The following EDNRB variants were observed in gnomAD, a reference collection of about 807,000 sequenced individuals.
EDNRB encodes the protein Hirschsprung disease 2.
Under a neutral mutation model 46.4 loss-of-function variants are expected in EDNRB, and 18 were observed. That is an observed-to-expected ratio of 0.39 (90% CI 0.27 to 0.57). The LOEUF (loss-of-function observed/expected upper bound fraction) is 0.57, where lower values mean the gene tolerates loss of function less well. Among genes scored for constraint, EDNRB ranks in the 20% least tolerant of loss-of-function variants. The pLI is 0.61. For synonymous variants in EDNRB, 213 were observed against 204.9 expected (o/e 1.04, Z -0.34); for missense variants, 434 against 537.5 (o/e 0.81, Z 1.90).
At chr13:77,965,130 A>C (rs1008571167) in intron 1 of EDNRB, among the ~76,000 whole-genome samples, 2 of 152,220 alleles carry the variant, frequency 1.3e-5, no homozygotes, top group Non-Finnish European at 2.9e-5. Context: ...TCACATTTAC[A>C]GAAAGGTTTG....
At chr13:77,951,141 T>A (rs1881078132) in intron 1 of EDNRB, among the ~76,000 whole-genome samples, 1 of 151,942 alleles carries the variant, frequency 6.6e-6, no homozygotes, top group South Asian at 2.1e-4. Context: ...GCAAGGGAAA[T>A]GAGAAGGATT....
At chr13:77,931,762 A>C (rs866162028) in intron 1 of EDNRB, among the ~76,000 whole-genome samples, 14 of 88,860 alleles carry the variant, frequency 1.6e-4, no homozygotes, top group East Asian at 6.3e-4. Context: ...AAAAAAAAAC[A>C]AAAAAAAAAA....
At chr13:77,903,981 T>C (rs995724139) in intron 1 of EDNRB, among the ~76,000 whole-genome samples, 7 of 151,944 alleles carry the variant, frequency 4.6e-5, no homozygotes, top group African/African-American at 1.7e-4. Flanking sequence ...TTAATTAAAA[T>C]TGAATGATAA....
At chr13:77,971,936 C>T (rs1306736628) in intron 1 of EDNRB, among the ~76,000 whole-genome samples, 1 of 152,152 alleles carries the variant, frequency 6.6e-6, no homozygotes, top group Non-Finnish European at 1.5e-5. Context: ...CACCACAATA[C>T]CACCACACAT....
chr13:77,950,547 T>C (rs1209006864), intron 1 of EDNRB, among the ~76,000 whole-genome samples: 1 of 152,256 alleles, frequency 6.6e-6, no homozygotes, highest in Non-Finnish European at 1.5e-5. Flanking sequence ...GGGGGTTGCA[T>C]TAAAGAATCA....
At chr13:77,899,220 A>G (rs536309579) in intron 6 of EDNRB, among the ~76,000 whole-genome samples, 3 of 151,944 alleles carry the variant, frequency 2.0e-5, no homozygotes, top group Non-Finnish European at 4.4e-5. Flanking sequence ...TTAGCTTTCC[A>G]GTAGTGAAAT....
intron 1 of EDNRB, among the ~76,000 whole-genome samples, chr13:77,915,244 G>A (rs1751872440): frequency 6.6e-6 from 1 of 152,130 alleles, no homozygotes; most frequent in African/African-American, 2.4e-5. Context: ...TAAGCCATTA[G>A]AATAACTTCC....
chr13:77,898,419 T>C (rs1407265791), intron 6 of EDNRB, 85 bp from the exon 7 acceptor site: 6 of 1,589,472 alleles, frequency 3.8e-6, no homozygotes, highest in Non-Finnish European at 5.1e-6. Flanking sequence ...TGACTTTCTT[T>C]GTATGATTAG....
intron 1 of EDNRB, among the ~76,000 whole-genome samples, chr13:77,912,118 G>A (rs993941633): frequency 3.3e-5 from 5 of 152,066 alleles, no homozygotes; most frequent in East Asian, 1.9e-4. Flanking sequence ...TCTTGGCTAC[G>A]TTATCCTTTT....
At chr13:77,917,990 G>A in intron 1 of EDNRB, 101 bp downstream of exon 1, 8 of 1,571,436 alleles carry the variant, frequency 5.1e-6, no homozygotes, top group East Asian at 2.2e-5. Flanking sequence ...AACCTTAAGA[G>A]GGAGCTAAAG....
chr13:77,907,462 C>A (rs1879336280), intron 1 of EDNRB, among the ~76,000 whole-genome samples: 1 of 151,856 alleles, frequency 6.6e-6, no homozygotes, highest in Admixed American at 6.6e-5. Context: ...GACTTCTTAG[C>A]CTCTATAATC....
At chr13:77,974,314 T>C (rs1409599639) in intron 1 of EDNRB, among the ~76,000 whole-genome samples, 1 of 152,184 alleles carries the variant, frequency 6.6e-6, no homozygotes, top group Non-Finnish European at 1.5e-5. Flanking sequence ...GTTATTATTA[T>C]TATTTTACTT....
intron 1 of EDNRB, among the ~76,000 whole-genome samples, chr13:77,938,756 C>A (rs1880643516): frequency 6.6e-6 from 1 of 152,016 alleles, no homozygotes; most frequent in Non-Finnish European, 1.5e-5. Context: ...TGAAGGGTGG[C>A]ACCAAGATTG....
chr13:77,967,257 GTCT>G (rs533316009), intron 1 of EDNRB, among the ~76,000 whole-genome samples: 4 of 151,852 alleles, frequency 2.6e-5, no homozygotes, highest in Non-Finnish European at 5.9e-5. Flanking sequence ...ACCTTTTTTT[GTCT>G]TCTTTAATCT....
At chr13:77,932,689 C>T (rs1319565698) in intron 1 of EDNRB, among the ~76,000 whole-genome samples, 5 of 152,146 alleles carry the variant, frequency 3.3e-5, no homozygotes, top group African/African-American at 1.2e-4. Context: ...TCTTTGCCTG[C>T]TTTTCCTTGA....
chr13:77,931,623 T>C (rs1880403751), intron 1 of EDNRB, among the ~76,000 whole-genome samples: 1 of 151,974 alleles, frequency 6.6e-6, no homozygotes, highest in African/African-American at 2.4e-5. Context: ...ATTAGAATAA[T>C]GTAATCAACT....
intron 1 of EDNRB, among the ~76,000 whole-genome samples, chr13:77,926,441 C>T (rs1880239990): frequency 6.6e-6 from 1 of 152,142 alleles, no homozygotes; most frequent in Non-Finnish European, 1.5e-5. Context: ...AGTTCAAGTT[C>T]CACATATCTC....
At chr13:77,906,719 A>C (rs1879299504) in intron 1 of EDNRB, among the ~76,000 whole-genome samples, 1 of 152,014 alleles carries the variant, frequency 6.6e-6, no homozygotes, top group African/African-American at 2.4e-5. Flanking sequence ...CAGTATTTTA[A>C]ATGTACCTTC....
At chr13:77,918,922 G>A, upstream of EDNRB, 2 of 1,203,550 alleles carry the variant, frequency 1.7e-6, no homozygotes, top group Non-Finnish European at 2.1e-6. The surrounding 1 kb of genome is among the most constrained non-coding windows in gnomAD (Gnocchi z 4.5). Flanking sequence ...GGGGTCCCAG[G>A]CAAAGCTCCG....
Sources: allele counts gnomAD v4.1 joint callset (sites outside exome capture counted in the v4.1 genomes callset), GRCh38; gene constraint gnomAD v4.1.1; non-coding constraint Gnocchi (gnomAD v3.1); transcripts MANE v1.5; gene names NCBI Gene and HGNC (gene_info 2026-07-23, HGNC 2026-07-21).